The following ZWILCH variants were observed in gnomAD, a reference collection of about 807,000 sequenced individuals.
ZWILCH encodes zwilch kinetochore protein.
Under a neutral mutation model 79.9 loss-of-function variants are expected in ZWILCH, and 74 were observed. The ratio of observed to expected loss-of-function variants is 0.93; its 90% CI spans 0.77 to 1.12. The LOEUF is 1.12. ZWILCH is among the 50% of genes most tolerant of loss of function. The pLI is 0.00. For synonymous variants in ZWILCH, 241 were observed against 228.2 expected, an observed-to-expected ratio of 1.06 and a Z score of -0.51; for missense variants, 694 against 687.5, an observed-to-expected ratio of 1.01 and a Z score of -0.11.
At chr15:66,509,580 T>C (rs968040837) in intron 2 of ZWILCH, among the ~76,000 whole-genome samples, 32 of 152,032 alleles carry the variant, frequency 2.1e-4, no homozygotes, top group Admixed American at 1.9e-3. Context: ...TGAAGGACAT[T>C]GGGTTTTTTC....
intron 2 of ZWILCH, among the ~76,000 whole-genome samples, chr15:66,513,596 G>A (rs1420087441): frequency 5.4e-5 from 8 of 148,418 alleles, no homozygotes; most frequent in East Asian, 4.1e-4. Flanking sequence ...TTTTGAAACA[G>A]AGTCTCACTC....
In ZWILCH at chr15:66,548,830, A is replaced by G. The variant is rs1342147730; in HGVS notation, c.*506A>G. 1 of 315,626 alleles carries G rather than the reference A, an allele frequency of 3.2e-6. No homozygotes were observed. The highest frequency in any genetic ancestry group is 5.9e-6 in the Non-Finnish European group (1 of 169,842). The allele number at this position is 315,626 out of a possible 1,614,324, so 19.6% of individuals were successfully genotyped here. A position where few individuals can be genotyped will look rare whatever the true frequency, so the allele number is the denominator to read the frequency against. On this transcript the variant is annotated 3_prime_UTR_variant, in exon 19 of 19. Transcript: ENST00000307897. ...CAGAAAATATGGGATAAATGCCTGAATTTGGTTCTTCTACAGGTGCTATAA... is the reference window on the plus strand; with the variant it reads ...CAGAAAATATGGGATAAATGCCTGAGTTTGGTTCTTCTACAGGTGCTATAA...
At position 66,532,252 on chromosome 15, in the gene ZWILCH, T is replaced by G. The variant is rs764172582; in HGVS notation, c.1161T>G (p.His387Gln). ...AAAATTTTCCTGATTTCTAGCTCCA[T>G]AGTGGAAGTAACAGTTTACTAAGTA... is the stretch of plus-strand genomic sequence containing the variant. ...LQRGDIQPWLHSGSNSLLSKL... is the reference protein window; with the variant it reads ...LQRGDIQPWLQSGSNSLLSKL... The change falls in exon 13 of 19, where the codon CAT becomes CAG. Residue 387 changes from histidine to glutamine, a missense_variant. By Grantham distance (24) the His-to-Gln change is conservative. Coordinates refer to ENST00000307897, the MANE Select transcript of ZWILCH (RefSeq NM_017975.5). The G allele has an allele frequency of 6.3e-7, 1 of 1,584,126 alleles. No individual in the cohort carries two copies. The highest frequency in any genetic ancestry group is 1.4e-5 in the African/African-American group (1 of 73,076).
Position 66,532,253 on chromosome 15 carries a change from A to G in ZWILCH, c.1162A>G (p.Ser388Gly). The G allele has an allele frequency of 6.3e-7, 1 of 1,583,394 alleles. No individual in the cohort carries two copies. The highest frequency in any genetic ancestry group is 2.3e-5 in the East Asian group (1 of 43,686). ...QRGDIQPWLH[S>G]GSNSLLSKLI... ...AAATTTTCCTGATTTCTAGCTCCAT[A>G]GTGGAAGTAACAGTTTACTAAGTAA... The change falls in exon 13 of 19, where the codon AGT (serine) becomes GGT (glycine). Residue 388 changes from serine (S) to glycine (G), a missense_variant. Ser to Gly is a moderately conservative substitution (Grantham distance 56). Transcript: ENST00000307897.
chr15:66,545,564 G>A (rs1895342989), intron 17 of ZWILCH, among the ~76,000 whole-genome samples: 1 of 152,178 alleles, frequency 6.6e-6, no homozygotes, highest in Admixed American at 6.5e-5. Context: ...CATTGGTCCA[G>A]TGACTCCTTT....
chr15:66,505,520 A>G, intron 1 of ZWILCH, 129 bp downstream of exon 1: 1 of 1,125,212 alleles, frequency 8.9e-7, no homozygotes, highest in South Asian at 1.4e-5. Context: ...GGGGTCCAGG[A>G]GTTGGGGAGA....
intron 17 of ZWILCH, among the ~76,000 whole-genome samples, chr15:66,544,663 A>G (rs1376239511): frequency 3.3e-5 from 5 of 151,580 alleles, no homozygotes; most frequent in Non-Finnish European, 7.4e-5. Context: ...TTTTAAAGAC[A>G]TAAATATATG....
intron 17 of ZWILCH, 44 bp downstream of exon 17, chr15:66,540,254 AAAATAAAC>A: frequency 6.7e-7 from 1 of 1,501,350 alleles, no homozygotes; most frequent in East Asian, 2.3e-5. Context: ...ATTCCAACAG[AAAATAAAC>A]TAAGTCTGGC....
chr15:66,514,143 G>A (rs1894171037), intron 3 of ZWILCH, 60 bp downstream of exon 3: 1 of 1,225,010 alleles, frequency 8.2e-7, no homozygotes, highest in African/African-American at 1.5e-5. Context: ...TGGTTTCTTG[G>A]GAATAATCTA....
chr15:66,518,804 C>G, intron 4 of ZWILCH, 75 bp from the exon 5 acceptor site: 1 of 1,383,644 alleles, frequency 7.2e-7, no homozygotes, highest in Non-Finnish European at 1.0e-6. Flanking sequence ...GAGTGAGACC[C>G]TGTCTCTCAG....
chr15:66,514,135 G>A lies in ZWILCH; in HGVS notation c.201+52G>A, dbSNP rs773381519. On this transcript the variant is annotated intron_variant, in intron 3 of 18. Coordinates refer to ENST00000307897, the MANE Select transcript of ZWILCH (RefSeq NM_017975.5). ...GTTTAATTCTCCATAACCAAATTTG[G>A]TTTCTTGGGAATAATCTAACGTACA... 2.2e-4 allele frequency: 302 copies of A among 1,357,730 alleles called. 2 individuals are homozygous for A. Among genetic ancestry groups the A allele is most frequent in the Admixed American group, 8.6e-5 (4 of 46,496 alleles). The allele number at this position is 1,357,730 out of a possible 1,614,324, so 84.1% of individuals were successfully genotyped here. A position where few individuals can be genotyped will look rare whatever the true frequency, so the allele number is the denominator to read the frequency against.
intron 16 of ZWILCH, 84 bp from the exon 17 acceptor site, chr15:66,540,014 A>G: frequency 1.1e-6 from 1 of 876,888 alleles, no homozygotes; most frequent in Non-Finnish European, 1.8e-6. Context: ...TATCACATGA[A>G]GACTTCACTA....
At chr15:66,537,373 CATA>C (rs1595920508) in intron 16 of ZWILCH, 110 bp downstream of exon 16, 1 of 679,890 alleles carries the variant, frequency 1.5e-6, no homozygotes, top group East Asian at 2.8e-5. Context: ...GCCTGGGCAA[CATA>C]ATGAGACCCT....
At chr15:66,505,442 C>T (rs1893775374) in intron 1 of ZWILCH, 51 bp downstream of exon 1, 4 of 1,603,814 alleles carry the variant, frequency 2.5e-6, no homozygotes, top group Middle Eastern at 1.7e-4. Flanking sequence ...CACTTCTTTC[C>T]CTGGGTGTCT....
chr15:66,526,622 G>A (rs529959640), intron 8 of ZWILCH, among the ~76,000 whole-genome samples: 1 of 151,988 alleles, frequency 6.6e-6, no homozygotes, highest in Non-Finnish European at 1.5e-5. Context: ...ACCATGCCCA[G>A]CTGATTTTTT....
At chr15:66,529,037 T>A (rs1894779142) in intron 11 of ZWILCH, 80 bp downstream of exon 11, 1 of 1,095,024 alleles carries the variant, frequency 9.1e-7, no homozygotes, top group African/African-American at 1.6e-5. Context: ...ATACAGTGTG[T>A]ACCACTAGTT....
At position 66,548,397 on chromosome 15, in the gene ZWILCH, C is replaced by A; in HGVS notation, c.*73C>A. ...GAAAAAAAGGTAATTATTGTAGAACCTGAAAACAGCAATGTATGGAAACCC... is the reference window on the plus strand; with the variant it reads ...GAAAAAAAGGTAATTATTGTAGAACATGAAAACAGCAATGTATGGAAACCC... On this transcript the variant is annotated 3_prime_UTR_variant, in exon 19 of 19. Transcript: ENST00000307897. The A allele has an allele frequency of 1.8e-6, 1 of 551,930 alleles. No homozygotes were observed. Among genetic ancestry groups the A allele is most frequent in the Non-Finnish European group, 3.2e-6 (1 of 312,868 alleles). 34.2% of individuals were successfully genotyped at this position (551,930 alleles called of 1,614,324 possible).
At chr15:66,520,529 G>A in intron 5 of ZWILCH, 61 bp from the exon 6 acceptor site, 1 of 842,678 alleles carries the variant, frequency 1.2e-6, no homozygotes, top group Non-Finnish European at 2.0e-6. Flanking sequence ...TTACAGTTTT[G>A]TAGCTCTGAC....
chr15:66,517,027 A>G (rs1411995200), intron 4 of ZWILCH, among the ~76,000 whole-genome samples: 1 of 152,168 alleles, frequency 6.6e-6, no homozygotes, highest in Non-Finnish European at 1.5e-5. Context: ...AAAATCCCCT[A>G]GAAATTTTTT....
Sources: gnomAD v4.1 joint callset for allele counts (sites outside exome capture counted in the v4.1 genomes callset) on GRCh38, gnomAD v4.1.1 for gene constraint, MANE v1.5 for transcripts, NCBI Gene and HGNC (gene_info 2026-07-23, HGNC 2026-07-21) for gene names.